NAV3: variants seen among roughly 807,000 people sequenced by gnomAD.
The protein encoded by NAV3 is neuron navigator 3, also known as pore membrane and/or filament interacting like protein 1.
Under a neutral mutation model 244.7 loss-of-function variants are expected in NAV3, and 87 were observed. The ratio of observed to expected loss-of-function variants is 0.36; its 90% CI spans 0.30 to 0.42. The LOEUF (loss-of-function observed/expected upper bound fraction) is 0.42. Ranked by LOEUF, NAV3 falls within the 20% of genes least tolerant of loss-of-function variation. The probability of loss-of-function intolerance (pLI) is 1.00; values close to 1 mark genes in which losing one functional copy is unlikely to be tolerated. For missense variants in NAV3, 2,663 were observed against 2,893.3 expected (o/e 0.92, Z 1.83); for synonymous variants, 1,126 against 1,042.2 (o/e 1.08, Z -1.55).
At chr12:78,115,546 A>G (rs1266395170) in intron 12 of NAV3, among the ~76,000 whole-genome samples, 1 of 152,330 alleles carries the variant, frequency 6.6e-6, no homozygotes, top group East Asian at 1.9e-4. Context: ...AATACAGCCT[A>G]TTTAATTTAT....
rs1960833084 is a variant in NAV3 at position 78,210,906 on chromosome 12, CG to C, written c.*390del. The C allele has an allele frequency of 4.8e-6, 1 of 207,730 alleles. No individual in the cohort carries two copies. Among genetic ancestry groups the C allele is most frequent in the Admixed American group, 5.5e-5 (1 of 18,228 alleles). The allele number at this position is 207,730 out of a possible 1,614,324, so 12.9% of individuals were successfully genotyped here. On this transcript the variant is annotated 3_prime_UTR_variant, in exon 40 of 40. Transcript: ENST00000397909. ...CTTTTGTTTCCTCTGAGGGGCTGTT[CG>C]CCCCAGGCAGGGTCCATCTTTCTGA...
In NAV3 at chr12:78,187,462, A is replaced by ATAATAGAGG. The variant is rs1452249637; in HGVS notation, c.5791-786_5791-785insTAATAGAGG. Among the ~76,000 whole-genome samples, 4 of 151,886 alleles carry ATAATAGAGG rather than the reference A, an allele frequency of 2.6e-5. No individual in the cohort carries two copies. In the East Asian group the frequency reaches 5.8e-4, roughly 22 times the overall value. On this transcript the variant is annotated intron_variant, in intron 31 of 39. Coordinates refer to ENST00000397909, the MANE Select transcript of NAV3 (RefSeq NM_001024383.2). The stretch of plus-strand genomic sequence containing the variant: ...TGGAATCATAATCACTATTTCGTTA[A>ATAATAGAGG]CCATTTCTGGTCATCATAATAGAGG...
intron 1 of NAV3, among the ~76,000 whole-genome samples, chr12:77,910,969 G>T (rs904201564): frequency 6.6e-6 from 1 of 152,112 alleles, no homozygotes; most frequent in Non-Finnish European, 1.5e-5. Context: ...GACATGCAGA[G>T]GGAAAACTTT....
chr12:77,852,366 C>A (rs1877663614), intron 1 of NAV3, among the ~76,000 whole-genome samples: 1 of 152,082 alleles, frequency 6.6e-6, no homozygotes, highest in Admixed American at 6.5e-5. Flanking sequence ...GAAACCCCAT[C>A]TCTACTAAAA....
chr12:77,769,170 AG>A (rs1303469581), intron 2 of NAV3, among the ~76,000 whole-genome samples: 1 of 152,224 alleles, frequency 6.6e-6, no homozygotes, highest in Non-Finnish European at 1.5e-5. Context: ...ATTTAAATCA[AG>A]GCAGGTCATT....
intron 2 of NAV3, among the ~76,000 whole-genome samples, chr12:77,584,432 A>AT (rs372288178): frequency 6.1e-4 from 91 of 150,330 alleles, no homozygotes; most frequent in Admixed American, 4.1e-3. Context: ...CAAAAAAAAA[A>AT]TTTTTTTTTT....
rs1471691859 is a variant in NAV3 at position 77,840,163 on chromosome 12, G to A, written c.243+8459G>A. ...ATTTTATATGGAATAGCATTTACCA[G>A]GCTATGAAATAGTGTGTTGTGTTTA... On this transcript the variant is annotated intron_variant, in intron 1 of 39. Coordinates refer to ENST00000397909, the MANE Select transcript of NAV3 (RefSeq NM_001024383.2). 2.6e-5 allele frequency among the ~76,000 whole-genome samples: 4 copies of A among 152,292 alleles called. No homozygotes were observed. The East Asian group carries it at 5.8e-4, about 22-fold the overall frequency.
At chr12:77,684,957 A>G (rs79174642) in intron 2 of NAV3, among the ~76,000 whole-genome samples, 8,401 of 152,196 alleles carry the variant, frequency 0.055, 538 homozygotes, top group African/African-American at 0.16. Flanking sequence ...CTTCGTCAGA[A>G]TCATTACGGA....
chr12:77,710,801 T>G (rs2090170964), intron 2 of NAV3, among the ~76,000 whole-genome samples: 1 of 152,194 alleles, frequency 6.6e-6, no homozygotes, highest in Admixed American at 6.5e-5. Flanking sequence ...GAAAAAAATT[T>G]AAGTCCTCTT....
chr12:78,143,252 A>T (rs1260559215), intron 20 of NAV3: 1 of 392,448 alleles, frequency 2.5e-6, no homozygotes, highest in East Asian at 1.0e-4. Flanking sequence ...TTGTCTCCGG[A>T]TGTCTGCAAA....
At chr12:77,951,302 A>G (rs1291569836) in intron 3 of NAV3, among the ~76,000 whole-genome samples, 5 of 152,258 alleles carry the variant, frequency 3.3e-5, no homozygotes, top group African/African-American at 1.2e-4. Context: ...TTATGCAGCC[A>G]ACAGGCACAT....
At chr12:77,885,719 TAG>T (rs748532037) in intron 1 of NAV3, among the ~76,000 whole-genome samples, 3 of 152,116 alleles carry the variant, frequency 2.0e-5, no homozygotes, top group Non-Finnish European at 4.4e-5. Flanking sequence ...TTCAATACAT[TAG>T]AGTGTCCACA....
intron 12 of NAV3, among the ~76,000 whole-genome samples, chr12:78,100,956 AG>A (rs1475488423): frequency 6.6e-6 from 1 of 152,122 alleles, no homozygotes; most frequent in Non-Finnish European, 1.5e-5. Flanking sequence ...ATCTCCTCAA[AG>A]AAGCAGTTAT....
At chr12:77,931,617 A>G (rs951116891) in intron 1 of NAV3, among the ~76,000 whole-genome samples, 3 of 152,144 alleles carry the variant, frequency 2.0e-5, no homozygotes, top group African/African-American at 7.2e-5. Flanking sequence ...CTGTAATCCC[A>G]GCACTTTGGG....
At chr12:77,963,422 A>G (rs1892206906) in intron 3 of NAV3, among the ~76,000 whole-genome samples, 1 of 152,170 alleles carries the variant, frequency 6.6e-6, no homozygotes, top group African/African-American at 2.4e-5. Flanking sequence ...TTTACTGTAA[A>G]ATGTATAGCC....
At chr12:77,735,111 G>T (rs1464329418) in intron 2 of NAV3, among the ~76,000 whole-genome samples, 1 of 152,104 alleles carries the variant, frequency 6.6e-6, no homozygotes, top group African/African-American at 2.4e-5. Flanking sequence ...TCAAGGACAT[G>T]ATATTGCTCA....
At position 78,007,208 on chromosome 12, in the gene NAV3, C is replaced by A. The variant is rs1240266791; in HGVS notation, c.1670C>A (p.Thr557Asn). ...AAAGAGTCTGAGAAATTCAGGACTA[C>A]CAAGGGGAGCCCTTCCCAGTCCTTA... ...ASKESEKFRTTKGSPSQSLSK... is the reference protein window; with the variant it reads ...ASKESEKFRTNKGSPSQSLSK... The change falls in exon 8 of 40, where the codon ACC becomes AAC. Residue 557 changes from threonine (T) to asparagine (N), a missense_variant. Transcript: ENST00000397909. 6.2e-7 allele frequency: 1 copy of A among 1,614,064 alleles called. No homozygotes were observed. Among genetic ancestry groups the A allele is most frequent in the African/African-American group, 1.3e-5 (1 of 74,928 alleles).
At position 78,170,767 on chromosome 12, in the gene NAV3, T is replaced by G. The variant is rs188403230; in HGVS notation, c.4981+1901T>G. ...ATTGTGTTCATTCCATTTGGAATAT[T>G]CTACCTTGTTTGATCAGCATAAAGA... On this transcript the variant is annotated intron_variant, in intron 24 of 39. Coordinates refer to ENST00000397909, the MANE Select transcript of NAV3 (RefSeq NM_001024383.2). Among the ~76,000 whole-genome samples the G allele has an allele frequency of 1.9e-3, 283 of 151,906 alleles. 1 individual carries two copies. Among genetic ancestry groups the G allele is most frequent in the African/African-American group, 6.1e-3 (252 of 41,524 alleles).
chr12:77,790,614 C>T (rs1009151169), intron 2 of NAV3, among the ~76,000 whole-genome samples: 2 of 152,118 alleles, frequency 1.3e-5, no homozygotes, highest in African/African-American at 4.8e-5. Flanking sequence ...CACCTTTGTA[C>T]CCTAGTTTAC....
Sources: allele counts gnomAD v4.1 joint callset (sites outside exome capture counted in the v4.1 genomes callset), GRCh38; gene constraint gnomAD v4.1.1; transcripts MANE v1.5; gene names NCBI Gene and HGNC (gene_info 2026-07-23, HGNC 2026-07-21).